The following CCZ1 variants were observed in gnomAD, a reference collection of about 807,000 sequenced individuals.
CCZ1 encodes CCZ1 vacuolar protein trafficking and biogenesis associated.
Under a neutral mutation model 57.8 loss-of-function variants are expected in CCZ1, and 19 were observed. The observed-to-expected ratio is 0.33, with a 90% CI of 0.23 to 0.48. The LOEUF is 0.48. Among genes scored for constraint, CCZ1 ranks in the 20% least tolerant of loss-of-function variants. The pLI is 0.99. For synonymous variants in CCZ1, 81 were observed against 167.0 expected (o/e 0.49, Z 3.97); for missense variants, 200 against 492.0 (o/e 0.41, Z 5.61).
rs376411461 is a variant in CCZ1, at chr7:5,912,972, T to C, written c.954+18T>C. On this transcript the variant is annotated intron_variant, in intron 10 of 14. Coordinates refer to ENST00000325974, the MANE Select transcript of CCZ1 (RefSeq NM_015622.6). The stretch of plus-strand genomic sequence containing the variant: ...TTTATAAGGTAACAACTGTTTTCCT[T>C]CCAGCGTTAATGATTGTGCTGAAGT... 2.7e-5 allele frequency: 43 copies of C among 1,608,300 alleles called. No individual in the cohort carries two copies. Among genetic ancestry groups the C allele is most frequent in the Non-Finnish European group, 3.7e-5 (43 of 1,177,560 alleles).
Position 5,905,077 on chromosome 7 carries a change from T to A in CCZ1, c.523-17T>A. ...TGTACTATTAGTAAATTTTATGCCT[T>A]ATTTTTTTTCCCACAGTATTTGCAA... is the stretch of plus-strand genomic sequence containing the variant. On this transcript the variant is annotated splice_polypyrimidine_tract_variant and intron_variant, in intron 6 of 14. Coordinates refer to ENST00000325974, the MANE Select transcript of CCZ1 (RefSeq NM_015622.6). The A allele has an allele frequency of 6.3e-7, 1 of 1,599,132 alleles. No individual in the cohort carries two copies. Among genetic ancestry groups the A allele is most frequent in the Non-Finnish European group, 8.5e-7 (1 of 1,177,830 alleles).
In CCZ1 at chr7:5,912,302, G is replaced by C. The variant is rs1036161378; in HGVS notation, c.842+380G>C. On this transcript the variant is annotated intron_variant, in intron 9 of 14. Transcript: ENST00000325974. Reference sequence around the variant, plus strand: ...ATAATATGGACATTGAAATATCTTTGTGCCATCTGATTGACAGTAATCAAC... The same window carrying C: ...ATAATATGGACATTGAAATATCTTTCTGCCATCTGATTGACAGTAATCAAC... 1.8e-4 allele frequency among the ~76,000 whole-genome samples: 23 copies of C among 130,740 alleles called. No individual in the cohort carries two copies. The Admixed American group carries it at 1.8e-3, about 10-fold the overall frequency. The allele number at this position is 130,740 out of a possible 152,430, so 85.8% of individuals were successfully genotyped here.
At chr7:5,909,984 A>C (rs759489126) in intron 7 of CCZ1, 51 bp from the exon 8 acceptor site, 1 of 1,530,246 alleles carries the variant, frequency 6.5e-7, no homozygotes, top group African/African-American at 1.4e-5. Flanking sequence ...AGCAGTGGAA[A>C]GACAGAAGAC....
At chr7:5,910,689 T>C (rs62453610) in intron 8 of CCZ1, among the ~76,000 whole-genome samples, 12,086 of 86,412 alleles carry the variant, frequency 0.14, 915 homozygotes, top group South Asian at 0.21. Flanking sequence ...TACTTTACTT[T>C]TAATTTATGT....
intron 6 of CCZ1, among the ~76,000 whole-genome samples, chr7:5,904,753 C>A (rs1449534065): frequency 6.8e-6 from 1 of 147,616 alleles, no homozygotes; most frequent in Non-Finnish European, 1.5e-5. Context: ...ATGGTGTGAA[C>A]CTGGAAGGCG....
At chr7:5,908,127 GTTTTGACGGAATT>G (rs1275161773) in intron 7 of CCZ1, among the ~76,000 whole-genome samples, 2 of 142,604 alleles carry the variant, frequency 1.4e-5, no homozygotes, top group African/African-American at 5.3e-5. Flanking sequence ...AAAACAGCAC[GTTTTGACGGAATT>G]GCTTATTCCA....
intron 5 of CCZ1, chr7:5,902,311 A>AAAAGGAT (rs1407891860): frequency 4.2e-6 from 1 of 236,690 alleles, no homozygotes; most frequent in Non-Finnish European, 8.0e-6. Flanking sequence ...AAAAAAAAAA[A>AAAAGGAT]AAAGGATAAA....
chr7:5,905,585 C>T (rs998924656), intron 7 of CCZ1, among the ~76,000 whole-genome samples: 3 of 144,674 alleles, frequency 2.1e-5, no homozygotes, highest in Non-Finnish European at 4.5e-5. Context: ...AGTTGGAGAC[C>T]AGCCTGGTCA....
chr7:5,920,058 TC>T (rs1480997569), intron 12 of CCZ1, 92 bp downstream of exon 12: 20 of 1,482,000 alleles, frequency 1.3e-5, no homozygotes, highest in Non-Finnish European at 1.9e-5. Context: ...GTATTAACAG[TC>T]CTGTGTTCTC....
intron 6 of CCZ1, 26 bp from the exon 7 acceptor site, chr7:5,905,068 T>G: frequency 1.3e-6 from 2 of 1,597,744 alleles, no homozygotes; most frequent in Non-Finnish European, 1.7e-6. Context: ...ATTAGTAAAT[T>G]TTATGCCTTA....
intron 7 of CCZ1, 46 bp downstream of exon 7, chr7:5,905,315 A>G: frequency 8.8e-7 from 1 of 1,136,682 alleles, no homozygotes; most frequent in Non-Finnish European, 1.2e-6. Flanking sequence ...AATTAAGATA[A>G]TAAAAACAGC....
chr7:5,901,397 A>G (rs1781681398), intron 4 of CCZ1: 2 of 367,232 alleles, frequency 5.4e-6, no homozygotes, highest in South Asian at 5.2e-5. Flanking sequence ...AGGCAGGAGA[A>G]TCGCTTGAAC....
intron 7 of CCZ1, among the ~76,000 whole-genome samples, chr7:5,905,927 A>G (rs1236672366): frequency 1.3e-5 from 1 of 79,448 alleles, no homozygotes; most frequent in Non-Finnish European, 2.3e-5. Flanking sequence ...TCTTTCTTAT[A>G]GAGACGGGGT....
intron 12 of CCZ1, among the ~76,000 whole-genome samples, chr7:5,922,474 CA>C (rs1178217851): frequency 8.1e-6 from 1 of 123,712 alleles, no homozygotes; most frequent in Non-Finnish European, 1.7e-5. Flanking sequence ...CCTCTGAGCC[CA>C]GGGGCGGGGC....
intron 6 of CCZ1, among the ~76,000 whole-genome samples, chr7:5,903,995 G>T (rs1249783273): frequency 4.9e-5 from 3 of 61,748 alleles, no homozygotes; most frequent in East Asian, 2.9e-4. Context: ...CTCCATCTCG[G>T]GGGGGGAAAT....
intron 7 of CCZ1, among the ~76,000 whole-genome samples, chr7:5,907,183 A>G (rs1322000643): frequency 6.7e-6 from 1 of 149,664 alleles, no homozygotes; most frequent in Non-Finnish European, 1.5e-5. Context: ...AATTTGACAA[A>G]TAGTTTATCA....
At position 5,920,405 on chromosome 7, in the gene CCZ1, G is replaced by C. The variant is rs1294338438; in HGVS notation, c.1106+439G>C. ...AGCCTGAAGTGTCTACACTGAGTGG[G>C]AGAGGCGGGATTCACTCCTCCGGCT... On this transcript the variant is annotated intron_variant, in intron 12 of 14. Transcript: ENST00000325974. Among the ~76,000 whole-genome samples, 200 of 121,938 alleles carry C rather than the reference G, an allele frequency of 1.6e-3. 1 individual carries two copies. The highest frequency in any genetic ancestry group is 3.1e-3 in the Admixed American group (39 of 12,482). 80.0% of individuals were successfully genotyped at this position (121,938 alleles called of 152,430 possible).
Position 5,923,932 on chromosome 7 carries a change from CAAA to C in CCZ1, c.1368_1370del (p.Lys456del). On this transcript the variant is annotated inframe_deletion, in exon 14 of 15. Transcript: ENST00000325974. Reference sequence around the variant, plus strand: ...GCGGGAGCTCTATGTTATTTTGAATCAAAAAAATGCAAACCTGATTGAAGTAAA... The same window carrying C: ...GCGGGAGCTCTATGTTATTTTGAATCAAAATGCAAACCTGATTGAAGTAAA... The C allele has an allele frequency of 2.9e-6, 4 of 1,391,920 alleles. No individual in the cohort carries two copies. Among genetic ancestry groups the C allele is most frequent in the Non-Finnish European group, 4.0e-6 (4 of 1,000,860 alleles). The allele number at this position is 1,391,920 out of a possible 1,614,324, so 86.2% of individuals were successfully genotyped here.
chr7:5,912,377 C>CTTTTTTTTTTTTTTTTTT (rs4036238), intron 9 of CCZ1, among the ~76,000 whole-genome samples: 1 of 54,672 alleles, frequency 1.8e-5, no homozygotes, highest in African/African-American at 7.9e-5. Context: ...TCAGCATACC[C>CTTTTTTTTTTTTTTTTTT]TTTTTTTTTT....
Sources: gnomAD v4.1 joint callset for allele counts (sites outside exome capture counted in the v4.1 genomes callset) on GRCh38, gnomAD v4.1.1 for gene constraint, MANE v1.5 for transcripts, NCBI Gene and HGNC (gene_info 2026-07-23, HGNC 2026-07-21) for gene names.